The following PTPN13 variants were observed in gnomAD, a reference collection of about 807,000 sequenced individuals.
PTPN13 encodes protein tyrosine phosphatase non-receptor type 13.
Under a neutral mutation model 284.0 loss-of-function variants are expected in PTPN13, and 191 were observed. The observed-to-expected ratio is 0.67, with a 90% CI of 0.60 to 0.76. The LOEUF (loss-of-function observed/expected upper bound fraction) is 0.76. Among genes scored for constraint, PTPN13 ranks in the 30% least tolerant of loss-of-function variants. The probability of loss-of-function intolerance (pLI) is 0.00; values close to 1 mark genes in which losing one functional copy is unlikely to be tolerated. For missense variants in PTPN13, 2,797 were observed against 2,939.9 expected, an observed-to-expected ratio of 0.95 and a Z score of 1.12; for synonymous variants, 986 against 1,022.3, an observed-to-expected ratio of 0.96 and a Z score of 0.68.
At chr4:86,766,167 C>T (rs1739290243) in intron 26 of PTPN13, among the ~76,000 whole-genome samples, 1 of 152,182 alleles carries the variant, frequency 6.6e-6, no homozygotes, top group South Asian at 2.1e-4. Context: ...TAGGAACTTT[C>T]CTCCAATCTC....
At chr4:86,596,494 T>G (rs932900348) in intron 1 of PTPN13, among the ~76,000 whole-genome samples, 1 of 152,196 alleles carries the variant, frequency 6.6e-6, no homozygotes, top group Non-Finnish European at 1.5e-5. Flanking sequence ...AGGTCATCTT[T>G]TTGTTGTTGT....
intron 47 of PTPN13, 129 bp from the exon 48 acceptor site, chr4:86,814,327 A>G (rs912209232): frequency 1.3e-5 from 8 of 619,372 alleles, no homozygotes; most frequent in Middle Eastern, 4.8e-4. Flanking sequence ...CTTGCATTCA[A>G]CATTCTAACA....
At chr4:86,617,311 G>A (rs1398595963) in intron 1 of PTPN13, among the ~76,000 whole-genome samples, 3 of 152,056 alleles carry the variant, frequency 2.0e-5, no homozygotes, top group African/African-American at 4.8e-5. Context: ...GTCTACAGAC[G>A]GTCCTCGACT....
intron 40 of PTPN13, among the ~76,000 whole-genome samples, chr4:86,790,213 T>A (rs551050766): frequency 6.6e-6 from 1 of 152,306 alleles, no homozygotes; most frequent in South Asian, 2.1e-4. Flanking sequence ...GATTAAAACC[T>A]TTTTTCTTCT....
rs761092784 is a variant in PTPN13 at position 86,741,778 on chromosome 4, C to T, written c.2449C>T (p.Arg817Cys). The change falls in exon 16 of 48, where the codon CGC (arginine) becomes TGC (cysteine). Residue 817 changes from arginine (R) to cysteine (C), a missense_variant. Physicochemically the swap from Arg to Cys is radical, Grantham distance 180. Transcript: ENST00000411767. ...VHNGVRTLVL[R>C]FPWRETKKIS... is the part of the protein sequence containing the mutation. ...CAATGGAGTGCGCACATTGGTCCTT[C>T]GCTTTCCATGGAGGGAAACCAAGAA... The T allele has an allele frequency of 1.5e-5, 24 of 1,611,178 alleles. No homozygotes were observed. The highest frequency in any genetic ancestry group is 1.6e-5 in the Non-Finnish European group (19 of 1,178,536).
chr4:86,673,130 G>A (rs530227440), intron 3 of PTPN13, among the ~76,000 whole-genome samples: 2 of 152,274 alleles, frequency 1.3e-5, no homozygotes, highest in African/African-American at 4.8e-5. Flanking sequence ...CTTGCCTACT[G>A]CTCACTTCCT....
intron 47 of PTPN13, 74 bp downstream of exon 47, chr4:86,811,182 A>C (rs1745182902): frequency 7.9e-6 from 11 of 1,398,154 alleles, no homozygotes; most frequent in Middle Eastern, 3.6e-4. Flanking sequence ...TTATTAAACC[A>C]TTTTTCTTTT....
At chr4:86,748,287 A>G (rs1162298705) in intron 17 of PTPN13, among the ~76,000 whole-genome samples, 1 of 152,194 alleles carries the variant, frequency 6.6e-6, no homozygotes, top group Non-Finnish European at 1.5e-5. Context: ...TCAAATTTGA[A>G]ACATTAGTAT....
intron 1 of PTPN13, 129 bp from the exon 2 acceptor site, chr4:86,635,123 T>C: frequency 3.0e-6 from 3 of 993,870 alleles, no homozygotes; most frequent in Non-Finnish European, 4.4e-6. Flanking sequence ...AACATTTAGA[T>C]TGGTAGCCAT....
chr4:86,746,101 A>G (rs1021408462), intron 17 of PTPN13, among the ~76,000 whole-genome samples: 5 of 152,154 alleles, frequency 3.3e-5, no homozygotes, highest in Non-Finnish European at 5.9e-5. Context: ...ATTGAGATGA[A>G]TAATCATAGT....
chr4:86,600,891 A>G (rs190777601), intron 1 of PTPN13, among the ~76,000 whole-genome samples: 152 of 152,228 alleles, frequency 1.0e-3, no homozygotes, highest in African/African-American at 3.4e-3. Flanking sequence ...AATAATTAGT[A>G]TTTTAGAACA....
In PTPN13 at chr4:86,633,854, C is replaced by T. The variant is rs963525973; in HGVS notation, c.-5-1398C>T. On this transcript the variant is annotated intron_variant, in intron 1 of 47. Transcript: ENST00000411767. ...AATAAAGTCAATGAGAACCTAGAGACTTTGGTGCAGGCAGGGGATCTAAAT... is the reference window on the plus strand; with the variant it reads ...AATAAAGTCAATGAGAACCTAGAGATTTTGGTGCAGGCAGGGGATCTAAAT... Among the ~76,000 whole-genome samples the T allele has an allele frequency of 6.6e-5, 10 of 152,284 alleles. No individual in the cohort carries two copies. The East Asian group carries it at 1.9e-3, about 29-fold the overall frequency.
intron 2 of PTPN13, among the ~76,000 whole-genome samples, chr4:86,655,602 G>A (rs1274292772): frequency 6.6e-6 from 1 of 152,208 alleles, no homozygotes; most frequent in Non-Finnish European, 1.5e-5. Context: ...AGTTTCTGCT[G>A]AGAGATCAGC....
chr4:86,717,991 TA>T (rs1219518098), intron 9 of PTPN13, among the ~76,000 whole-genome samples: 1 of 152,156 alleles, frequency 6.6e-6, no homozygotes, highest in South Asian at 2.1e-4. Context: ...AAGGTGTTAG[TA>T]TTATGTTTGT....
intron 42 of PTPN13, 82 bp from the exon 43 acceptor site, chr4:86,803,627 G>A: frequency 7.4e-7 from 1 of 1,355,360 alleles, no homozygotes; most frequent in African/African-American, 1.4e-5. Flanking sequence ...TTTGTAAGAT[G>A]AGGTGAACAT....
intron 2 of PTPN13, among the ~76,000 whole-genome samples, chr4:86,650,064 C>T (rs930638238): frequency 1.3e-5 from 2 of 152,284 alleles, no homozygotes; most frequent in South Asian, 4.1e-4. Context: ...TGGCTCACTG[C>T]AGCCTCTGCC....
intron 10 of PTPN13, among the ~76,000 whole-genome samples, chr4:86,723,226 G>A (rs1020458637): frequency 6.6e-6 from 1 of 152,048 alleles, no homozygotes; most frequent in Non-Finnish European, 1.5e-5. Flanking sequence ...TTTCTAATTA[G>A]CTGTTGAAAG....
chr4:86,595,618 C>A, intron 1 of PTPN13: 1 of 301,698 alleles, frequency 3.3e-6, no homozygotes, highest in Non-Finnish European at 4.9e-6. Flanking sequence ...TGTTCGACAG[C>A]CTTGTGTCAT....
At chr4:86,731,078 A>G (rs1024233030) in intron 10 of PTPN13, among the ~76,000 whole-genome samples, 3 of 152,232 alleles carry the variant, frequency 2.0e-5, no homozygotes, top group Non-Finnish European at 4.4e-5. Flanking sequence ...ATTAAATTGA[A>G]TAGAATTCCT....
Sources: allele counts gnomAD v4.1 joint callset (sites outside exome capture counted in the v4.1 genomes callset), GRCh38; gene constraint gnomAD v4.1.1; transcripts MANE v1.5; gene names NCBI Gene and HGNC (gene_info 2026-07-23, HGNC 2026-07-21).